TTC27: variants seen among roughly 807,000 people sequenced by gnomAD.
The protein encoded by TTC27 is tetratricopeptide repeat protein 27.
TTC27 carries 79 observed loss-of-function variants against 115.9 expected under a neutral mutation model. The observed-to-expected ratio is 0.68, with a 90% confidence interval of 0.57 to 0.82. The LOEUF (loss-of-function observed/expected upper bound fraction) is 0.82. TTC27 is among the 40% of genes least tolerant of loss of function. The probability of loss-of-function intolerance (pLI) is 0.00; values close to 1 mark genes in which losing one functional copy is unlikely to be tolerated. For missense variants in TTC27, 1,054 were observed against 993.1 expected (o/e 1.06, Z -0.82); for synonymous variants, 401 against 356.0 (o/e 1.13, Z -1.42).
At chr2:32,766,239 A>G (rs1299371283) in intron 13 of TTC27, among the ~76,000 whole-genome samples, 1 of 152,190 alleles carries the variant, frequency 6.6e-6, no homozygotes, top group Non-Finnish European at 1.5e-5. Flanking sequence ...TATATGTTGT[A>G]TTATGATCAA....
intron 15 of TTC27, among the ~76,000 whole-genome samples, chr2:32,785,429 A>G (rs935097623): frequency 3.9e-5 from 6 of 152,014 alleles, no homozygotes; most frequent in African/African-American, 1.4e-4. Context: ...TTACTGTAGA[A>G]TCTCTATCAG....
chr2:32,818,770 G>A (rs1162751447), intron 19 of TTC27, among the ~76,000 whole-genome samples: 1 of 152,114 alleles, frequency 6.6e-6, no homozygotes, highest in Non-Finnish European at 1.5e-5. Context: ...TCTGGCACAG[G>A]GAGGCCATTT....
At chr2:32,635,653 C>T (rs1664393697) in intron 3 of TTC27, among the ~76,000 whole-genome samples, 1 of 151,978 alleles carries the variant, frequency 6.6e-6, no homozygotes, top group Admixed American at 6.6e-5. Context: ...CACTGCACTC[C>T]AGCCTGGGTG....
intron 3 of TTC27, among the ~76,000 whole-genome samples, chr2:32,636,175 T>C (rs1406488752): frequency 1.3e-5 from 2 of 152,206 alleles, no homozygotes; most frequent in Non-Finnish European, 2.9e-5. Context: ...AAATATCTCC[T>C]GAACACTGAT....
intron 12 of TTC27, among the ~76,000 whole-genome samples, chr2:32,750,280 A>G (rs1230565859): frequency 6.6e-6 from 1 of 152,228 alleles, no homozygotes; most frequent in Non-Finnish European, 1.5e-5. Context: ...GGGATGCTAT[A>G]GGTCAGCAGA....
At chr2:32,805,951 G>T (rs1206578291) in intron 16 of TTC27, among the ~76,000 whole-genome samples, 2 of 152,046 alleles carry the variant, frequency 1.3e-5, no homozygotes, top group Non-Finnish European at 2.9e-5. Context: ...TCTAGATCTA[G>T]CTGATCTTGA....
chr2:32,646,831 G>A (rs1476545304), intron 4 of TTC27, among the ~76,000 whole-genome samples: 1 of 151,912 alleles, frequency 6.6e-6, no homozygotes, highest in African/African-American at 2.4e-5. Flanking sequence ...CCAAAGTGCT[G>A]AGATTACAGG....
intron 16 of TTC27, among the ~76,000 whole-genome samples, chr2:32,806,230 AT>A (rs1440352921): frequency 6.6e-6 from 1 of 151,898 alleles, no homozygotes; most frequent in South Asian, 2.1e-4. Flanking sequence ...ACCTATTTAA[AT>A]TTTTTTTCAC....
At chr2:32,693,795 A>G (rs1039293701) in intron 9 of TTC27, among the ~76,000 whole-genome samples, 35 of 152,242 alleles carry the variant, frequency 2.3e-4, no homozygotes, top group African/African-American at 6.3e-4. Context: ...CACACAGGAC[A>G]GTAAAGCGCT....
At chr2:32,645,246 T>G (rs1479830139) in intron 4 of TTC27, among the ~76,000 whole-genome samples, 1 of 152,192 alleles carries the variant, frequency 6.6e-6, no homozygotes, top group East Asian at 1.9e-4. Context: ...ATGTAAGTGG[T>G]TGAGTAAAAT....
intron 8 of TTC27, among the ~76,000 whole-genome samples, chr2:32,677,441 T>A (rs1267199404): frequency 6.6e-6 from 1 of 152,002 alleles, no homozygotes. Flanking sequence ...CAAAGAATAG[T>A]GCCAAACTGT....
intron 9 of TTC27, among the ~76,000 whole-genome samples, chr2:32,691,577 G>A (rs1463074697): frequency 6.6e-6 from 1 of 152,046 alleles, no homozygotes; most frequent in Admixed American, 6.6e-5. Flanking sequence ...GGGATTACAG[G>A]CATGAGCCAC....
intron 12 of TTC27, among the ~76,000 whole-genome samples, chr2:32,747,956 T>G (rs1668884467): frequency 6.6e-6 from 1 of 151,930 alleles, no homozygotes; most frequent in Non-Finnish European, 1.5e-5. Flanking sequence ...ATCCTCTGTT[T>G]TTTAAATTTA....
rs143349312 is a variant in TTC27 at position 32,685,105 on chromosome 2, G to A, written c.1119+6183G>A. ...GAGTGCAATGGCGCAATCTTGGCTC[G>A]CTGCAACCCCTGCCTCCCGGTTCAA... On this transcript the variant is annotated intron_variant, in intron 9 of 19. Coordinates refer to ENST00000317907, the MANE Select transcript of TTC27 (RefSeq NM_017735.5). Among the ~76,000 whole-genome samples the A allele has an allele frequency of 7.3e-4, 107 of 145,792 alleles. No homozygotes were observed. In the East Asian group the frequency reaches 0.012, roughly 17 times the overall value.
intron 2 of TTC27, among the ~76,000 whole-genome samples, 192 bp downstream of exon 2, chr2:32,630,892 A>G (rs1375263126): frequency 6.6e-6 from 1 of 152,254 alleles, no homozygotes; most frequent in Non-Finnish European, 1.5e-5. Flanking sequence ...AAAGTGGTGC[A>G]GGATAAAATG....
At chr2:32,685,748 C>G (rs1300992558) in intron 9 of TTC27, among the ~76,000 whole-genome samples, 1 of 152,118 alleles carries the variant, frequency 6.6e-6, no homozygotes, top group African/African-American at 2.4e-5. Flanking sequence ...GTGCATCTAG[C>G]TAAAATCATT....
intron 14 of TTC27, among the ~76,000 whole-genome samples, chr2:32,782,319 T>A (rs1292336998): frequency 6.6e-6 from 1 of 152,196 alleles, no homozygotes; most frequent in East Asian, 1.9e-4. Flanking sequence ...TTGTAATAAA[T>A]CTATGTACTA....
At chr2:32,745,029 C>T (rs1479173984) in intron 12 of TTC27, among the ~76,000 whole-genome samples, 3 of 118,522 alleles carry the variant, frequency 2.5e-5, no homozygotes, top group South Asian at 2.8e-4. Flanking sequence ...GCCTGCCAGC[C>T]TGGGCAACAG....
In TTC27 at chr2:32,817,035, C is replaced by T. The variant is rs76183887; in HGVS notation, c.2309-422C>T. 8.1e-3 allele frequency among the ~76,000 whole-genome samples: 1,232 copies of T among 152,108 alleles called. 9 individuals carry two copies. The highest frequency in any genetic ancestry group is 0.013 in the Non-Finnish European group (894 of 67,974). On this transcript the variant is annotated intron_variant, in intron 18 of 19. Transcript: ENST00000317907. ...TGTTTAGGGTCTCTTCCCAGTGATC[C>T]GTAACTCACCAAAAATCACCTGTTT...
Sources: allele counts gnomAD v4.1 joint callset (sites outside exome capture counted in the v4.1 genomes callset), GRCh38; gene constraint gnomAD v4.1.1; transcripts MANE v1.5; gene names NCBI Gene and HGNC (gene_info 2026-07-23, HGNC 2026-07-21).